The following CHRM3 variants were observed in gnomAD, a reference collection of about 807,000 sequenced individuals.
CHRM3 encodes the protein cholinergic receptor muscarinic 3.
Under a neutral mutation model 41.8 loss-of-function variants are expected in CHRM3, and 11 were observed. The observed-to-expected ratio is 0.26, with a 90% confidence interval of 0.17 to 0.44. CHRM3 has a LOEUF of 0.44. CHRM3 is among the 20% of genes least tolerant of loss of function. CHRM3 has a pLI of 1.00. For missense variants in CHRM3, 571 were observed against 745.4 expected, an observed-to-expected ratio of 0.77 and a Z score of 2.72; for synonymous variants, 297 against 301.4, an observed-to-expected ratio of 0.99 and a Z score of 0.15.
intron 5 of CHRM3, among the ~76,000 whole-genome samples, chr1:239,823,661 G>A (rs58106811): frequency 0.025 from 3,775 of 151,988 alleles, 162 homozygotes; most frequent in African/African-American, 0.086. Flanking sequence ...TATAAACATA[G>A]GCTAAGGATT....
intron 3 of CHRM3, among the ~76,000 whole-genome samples, chr1:239,581,760 A>G (rs951851149): frequency 3.9e-5 from 6 of 152,204 alleles, no homozygotes; most frequent in African/African-American, 1.4e-4. Context: ...AGATGAAGTT[A>G]CAGTATCACT....
intron 5 of CHRM3, among the ~76,000 whole-genome samples, chr1:239,710,522 G>A (rs1346136982): frequency 6.6e-6 from 1 of 152,066 alleles, no homozygotes; most frequent in East Asian, 1.9e-4. Context: ...TTGGGTATGT[G>A]ACATATGAGC....
chr1:239,404,964 A>G (rs1367842474), intron 1 of CHRM3, among the ~76,000 whole-genome samples: 1 of 151,888 alleles, frequency 6.6e-6, no homozygotes, highest in Non-Finnish European at 1.5e-5. Flanking sequence ...ATTTATATAA[A>G]CAGCAGGATG....
intron 6 of CHRM3, among the ~76,000 whole-genome samples, chr1:239,876,673 C>T (rs906036945): frequency 6.6e-5 from 10 of 152,170 alleles, no homozygotes; most frequent in African/African-American, 2.4e-4. Flanking sequence ...ACAGAGGATG[C>T]CATCTGTCCT....
At chr1:239,777,613 G>A (rs1668197037) in intron 5 of CHRM3, among the ~76,000 whole-genome samples, 1 of 152,116 alleles carries the variant, frequency 6.6e-6, no homozygotes, top group South Asian at 2.1e-4. Context: ...GGTGGGGGGT[G>A]CAGATAATGC....
chr1:239,558,726 C>G (rs1382817626), intron 3 of CHRM3, among the ~76,000 whole-genome samples: 1 of 152,190 alleles, frequency 6.6e-6, no homozygotes, highest in Non-Finnish European at 1.5e-5. Context: ...CCCTCTCTAC[C>G]TGGAAACTGT....
At chr1:239,703,033 C>G (rs750934348) in intron 5 of CHRM3, among the ~76,000 whole-genome samples, 11 of 152,142 alleles carry the variant, frequency 7.2e-5, no homozygotes, top group Non-Finnish European at 1.5e-4. Flanking sequence ...AGTAGTATCA[C>G]CACCCCAGAA....
intron 3 of CHRM3, among the ~76,000 whole-genome samples, chr1:239,622,263 A>C (rs1232097000): frequency 1.3e-5 from 2 of 152,186 alleles, no homozygotes; most frequent in Non-Finnish European, 1.5e-5. Context: ...TGTTGTTTTC[A>C]TGCCTGTTAA....
intron 1 of CHRM3, among the ~76,000 whole-genome samples, chr1:239,436,227 T>C (rs1205348389): frequency 6.6e-6 from 1 of 152,142 alleles, no homozygotes; most frequent in Non-Finnish European, 1.5e-5. Context: ...TTCCAGCAGA[T>C]TGTAAACATA....
chr1:239,857,588 T>A (rs1675226250), intron 6 of CHRM3, among the ~76,000 whole-genome samples: 1 of 152,206 alleles, frequency 6.6e-6, no homozygotes, highest in Non-Finnish European at 1.5e-5. Context: ...CCCTGGAAAC[T>A]GAACTACTGT....
intron 6 of CHRM3, chr1:239,898,393 C>T (rs1679192266): frequency 6.6e-6 from 1 of 152,114 alleles, no homozygotes; most frequent in East Asian, 1.9e-4. Flanking sequence ...CCGTTGAATG[C>T]TATAGTGAAT....
At chr1:239,512,863 G>A (rs370843089) in intron 2 of CHRM3, among the ~76,000 whole-genome samples, 3 of 151,786 alleles carry the variant, frequency 2.0e-5, no homozygotes, top group African/African-American at 7.3e-5. Flanking sequence ...CAGAGTGGCC[G>A]ATGGCCCAGG....
intron 5 of CHRM3, among the ~76,000 whole-genome samples, chr1:239,727,281 G>T (rs1480053189): frequency 6.6e-6 from 1 of 151,864 alleles, no homozygotes; most frequent in Non-Finnish European, 1.5e-5. Context: ...TTGTTATTCT[G>T]AGTAGCCTGC....
In CHRM3 at chr1:239,525,358, G is replaced by A. The variant is rs181382998; in HGVS notation, c.-421-20283G>A. 3.0e-4 allele frequency among the ~76,000 whole-genome samples: 45 copies of A among 152,112 alleles called. 1 individual carries two copies. The highest frequency in any genetic ancestry group is 9.6e-4 in the African/African-American group (40 of 41,502). ...TGTCCCCAAAAAAGAAAAAATCCACGTGATATTTACTTCCCTAGCACATGA... is the reference window on the plus strand; with the variant it reads ...TGTCCCCAAAAAAGAAAAAATCCACATGATATTTACTTCCCTAGCACATGA... On this transcript the variant is annotated intron_variant, in intron 2 of 6. Transcript: ENST00000676153.
At chr1:239,897,824 G>A (rs1406509943) in intron 6 of CHRM3, among the ~76,000 whole-genome samples, 1 of 152,158 alleles carries the variant, frequency 6.6e-6, no homozygotes, top group African/African-American at 2.4e-5. Flanking sequence ...TCGAATCTAG[G>A]TTTTTGTTTT....
At chr1:239,604,663 T>C (rs902761518) in intron 3 of CHRM3, among the ~76,000 whole-genome samples, 1 of 152,202 alleles carries the variant, frequency 6.6e-6, no homozygotes, top group African/African-American at 2.4e-5. Context: ...GGCTTGCAAA[T>C]AATCCAAGAG....
chr1:239,399,714 T>G (rs1199461804), intron 1 of CHRM3, among the ~76,000 whole-genome samples: 4 of 95,800 alleles, frequency 4.2e-5, no homozygotes, highest in Non-Finnish European at 9.2e-5. Context: ...CTATTGTGTA[T>G]ATATACCACA....
At chr1:239,556,894 T>C (rs1355712052) in intron 3 of CHRM3, among the ~76,000 whole-genome samples, 9 of 152,180 alleles carry the variant, frequency 5.9e-5, no homozygotes, top group Admixed American at 5.9e-4. Flanking sequence ...GTTCGTTAAA[T>C]GGAGTTGAAT....
At chr1:239,396,682 C>G (rs1659509822) in intron 1 of CHRM3, among the ~76,000 whole-genome samples, 1 of 152,102 alleles carries the variant, frequency 6.6e-6, no homozygotes, top group African/African-American at 2.4e-5. Context: ...TACAAAAATT[C>G]AAACATTATG....
Sources: allele counts gnomAD v4.1 joint callset (sites outside exome capture counted in the v4.1 genomes callset), GRCh38; gene constraint gnomAD v4.1.1; transcripts MANE v1.5; gene names NCBI Gene and HGNC (gene_info 2026-07-23, HGNC 2026-07-21).